The following MX2 variants were observed in gnomAD, a reference collection of about 807,000 sequenced individuals.
MX2 encodes interferon-induced GTP-binding protein Mx2.
A neutral mutation model predicts 74.0 loss-of-function variants in MX2; 51 were observed. The observed-to-expected ratio is 0.69, with a 90% CI of 0.55 to 0.87. The LOEUF is 0.87. Ranked by LOEUF, MX2 falls within the 40% of genes least tolerant of loss-of-function variation. MX2 has a pLI of 0.00. For missense variants in MX2, 832 were observed against 908.7 expected (o/e 0.92, Z 1.09); for synonymous variants, 369 against 339.3 (o/e 1.09, Z -0.96).
At chr21:41,394,333 C>A (rs562858209) in intron 6 of MX2, among the ~76,000 whole-genome samples, 1 of 152,152 alleles carries the variant, frequency 6.6e-6, no homozygotes, top group African/African-American at 2.4e-5. Flanking sequence ...CATCCCTGCT[C>A]CCTCTCAACC....
Position 41,390,629 on chromosome 21 carries a change from G to A in MX2, c.797G>A (p.Cys266Tyr), listed in dbSNP as rs774532161. Residue 266 changes from cysteine to tyrosine, a missense_variant, in exon 6 of 14, where the codon TGT (cysteine) becomes TAT (tyrosine). Physicochemically the swap from Cys to Tyr is radical, Grantham distance 194 (BLOSUM62 -2). Transcript: ENST00000330714. ...QQTINLVVVP[C>Y]NVDIATTEAL... Reference sequence around the variant, plus strand: ...ACGATCAACTTGGTGGTGGTTCCCTGTAACGTGGACATTGCCACCACGGAG... The same window carrying A: ...ACGATCAACTTGGTGGTGGTTCCCTATAACGTGGACATTGCCACCACGGAG... 1.9e-6 allele frequency: 3 copies of A among 1,614,220 alleles called. No individual in the cohort carries two copies. The highest frequency in any genetic ancestry group is 1.1e-5 in the South Asian group (1 of 91,082).
rs2145893875 is a variant in MX2, at chr21:41,380,639, C to A, written c.577+488C>A. Among the ~76,000 whole-genome samples the A allele has an allele frequency of 6.6e-6, 1 of 152,320 alleles. No individual in the cohort carries two copies. Among genetic ancestry groups the A allele is most frequent in the South Asian group, 2.1e-4 (1 of 4,818 alleles). ...AAGTTCAGCTCTAACCCTGGCCAGCCACCTTGTGGCCACCTTTCCTCCCAG... is the reference window on the plus strand; with the variant it reads ...AAGTTCAGCTCTAACCCTGGCCAGCAACCTTGTGGCCACCTTTCCTCCCAG... On this transcript the variant is annotated intron_variant, in intron 4 of 13. Transcript: ENST00000330714. The surrounding 1 kb of genome is among the most constrained non-coding windows in gnomAD (Gnocchi z 4.3).
At chr21:41,377,238 T>C in intron 2 of MX2, 83 bp downstream of exon 2, 1 of 1,557,062 alleles carries the variant, frequency 6.4e-7, no homozygotes, top group Non-Finnish European at 8.7e-7. Flanking sequence ...ACCACAATAA[T>C]AGAACCAGCC....
chr21:41,365,867 G>C (rs1304625133), intron 1 of MX2: 1 of 152,312 alleles, frequency 6.6e-6, no homozygotes, highest in Non-Finnish European at 1.5e-5. Context: ...TTCCCCAAAA[G>C]GGGACATTTG....
chr21:41,391,425 C>A (rs111638147), intron 6 of MX2, among the ~76,000 whole-genome samples: 6,666 of 148,608 alleles, frequency 0.045, 458 homozygotes, highest in African/African-American at 0.15. Context: ...TTCACTCTAT[C>A]CCCCAGACTG....
intron 1 of MX2, among the ~76,000 whole-genome samples, chr21:41,370,822 C>T (rs1445622323): frequency 6.6e-6 from 1 of 152,126 alleles, no homozygotes. Context: ...CATAAGAATA[C>T]TTATTCTATG....
intron 1 of MX2, chr21:41,364,252 G>T (rs1008720984): frequency 6.6e-6 from 1 of 152,266 alleles, no homozygotes; most frequent in African/African-American, 2.4e-5. Flanking sequence ...TGGAAAGAGG[G>T]ATTTCTCTTT....
intron 3 of MX2, among the ~76,000 whole-genome samples, chr21:41,379,484 T>G (rs2089459266): frequency 6.6e-6 from 1 of 152,168 alleles, no homozygotes; most frequent in East Asian, 1.9e-4. Context: ...CGGCTTCTCC[T>G]CCAGGCTTTC....
At chr21:41,393,145 GA>G (rs71878374) in intron 6 of MX2, among the ~76,000 whole-genome samples, 34,389 of 120,080 alleles carry the variant, frequency 0.29, 7,489 homozygotes, top group African/African-American at 0.62. Context: ...AGAAAGAAAA[GA>G]AAAAAAAAAG....
chr21:41,406,762 A>T lies in MX2; in HGVS notation c.1669A>T (p.Lys557Ter). 1.9e-6 allele frequency: 3 copies of T among 1,614,178 alleles called. No individual in the cohort carries two copies. Among genetic ancestry groups the T allele is most frequent in the Non-Finnish European group, 2.5e-6 (3 of 1,180,018 alleles). ...QTVQSTIEDI[K>*]VKHTAKAENM... ...TAACCAGAGCACGATTGAAGACATA[A>T]AAGTGAAACACACAGCAAAGGCAGA... Residue 557 changes from lysine (K) to a stop codon, truncating the protein, a stop_gained, in exon 13 of 14, where the codon AAA becomes TAA. Coordinates refer to ENST00000330714, the MANE Select transcript of MX2 (RefSeq NM_002463.2). LOFTEE classifies it high-confidence loss of function.
intron 5 of MX2, among the ~76,000 whole-genome samples, chr21:41,383,672 C>A (rs1301433184): frequency 6.6e-6 from 1 of 152,200 alleles, no homozygotes; most frequent in African/African-American, 2.4e-5. Flanking sequence ...TAAGGGGTGG[C>A]AGCCCTAAGA....
In MX2 at chr21:41,402,350, A is replaced by T; in HGVS notation, c.1573+222A>T. 1 of 521,872 alleles carries T rather than the reference A, an allele frequency of 1.9e-6. No individual in the cohort carries two copies. The highest frequency in any genetic ancestry group is 3.3e-6 in the Non-Finnish European group (1 of 305,316). 32.3% of individuals were successfully genotyped at this position (521,872 alleles called of 1,614,324 possible). A position where few individuals can be genotyped will look rare whatever the true frequency, so the allele number is the denominator to read the frequency against. On this transcript the variant is annotated intron_variant, in intron 11 of 13. Coordinates refer to ENST00000330714, the MANE Select transcript of MX2 (RefSeq NM_002463.2). The surrounding 1 kb of genome is among the most constrained non-coding windows in gnomAD (Gnocchi z 4.5). Reference sequence around the variant, plus strand: ...TCTGCCCTTCTGCCTGAGAACTCGTACTGAGGTTTCCAGGAGATGGGGAAG... The same window carrying T: ...TCTGCCCTTCTGCCTGAGAACTCGTTCTGAGGTTTCCAGGAGATGGGGAAG...
chr21:41,370,306 G>A (rs2089307068), intron 1 of MX2: 1 of 152,310 alleles, frequency 6.6e-6, no homozygotes, highest in South Asian at 2.1e-4. Flanking sequence ...AATGGGACAG[G>A]AGAGGAGCTG....
chr21:41,403,747 G>C (rs1191430354), intron 12 of MX2: 2 of 445,016 alleles, frequency 4.5e-6, no homozygotes, highest in Non-Finnish European at 9.4e-6. Flanking sequence ...TTTCTACTTA[G>C]CAACTCTTCC....
chr21:41,398,778 G>A lies in MX2; in HGVS notation c.1150-119G>A, dbSNP rs147985642. The A allele has an allele frequency of 4.2e-4, 596 of 1,427,158 alleles. 3 individuals are homozygous for A. In the African/African-American group the frequency reaches 6.3e-3, roughly 15 times the overall value. 88.4% of individuals were successfully genotyped at this position (1,427,158 alleles called of 1,614,324 possible). Reference sequence around the variant, plus strand: ...CCAGCACTTTGGGAGGCTGGGGCAGGTGGGTCAAAAATTCCAGATCTTCCT... The same window carrying A: ...CCAGCACTTTGGGAGGCTGGGGCAGATGGGTCAAAAATTCCAGATCTTCCT... On this transcript the variant is annotated intron_variant, in intron 8 of 13. Coordinates refer to ENST00000330714, the MANE Select transcript of MX2 (RefSeq NM_002463.2).
intron 5 of MX2, among the ~76,000 whole-genome samples, chr21:41,384,620 G>C (rs1181340380): frequency 6.6e-6 from 1 of 152,148 alleles, no homozygotes; most frequent in African/African-American, 2.4e-5. Flanking sequence ...GTTGTACAGT[G>C]TGCTCAGTTA....
Position 41,380,278 on chromosome 21 carries a change from G to A in MX2, c.577+127G>A. ...CTCCTAGCCCCATGTGCTCCCACAT[G>A]GGGCTGAACCCATTGCTGTCACCTC... On this transcript the variant is annotated intron_variant, in intron 4 of 13. Transcript: ENST00000330714. The surrounding 1 kb of genome is among the most constrained non-coding windows in gnomAD (Gnocchi z 4.3). 1 of 1,304,694 alleles carries A rather than the reference G, an allele frequency of 7.7e-7. No individual in the cohort carries two copies. Among genetic ancestry groups the A allele is most frequent in the Non-Finnish European group, 1.1e-6 (1 of 950,124 alleles). 80.8% of individuals were successfully genotyped at this position (1,304,694 alleles called of 1,614,324 possible).
At chr21:41,406,680 AT>A in intron 12 of MX2, 63 bp from the exon 13 acceptor site, 1 of 1,531,740 alleles carries the variant, frequency 6.5e-7, no homozygotes, top group Non-Finnish European at 8.8e-7. Context: ...GTACTTCCAA[AT>A]TTGTTTAAGC....
In MX2 at chr21:41,408,093, C is replaced by G; in HGVS notation, c.2008C>G (p.Gln670Glu). Reference sequence around the variant, plus strand: ...GCAGAAAGCCATGATGCAGATACTACAGGAAAAAAATCGCTATTCCTGGCT... The same window carrying G: ...GCAGAAAGCCATGATGCAGATACTAGAGGAAAAAAATCGCTATTCCTGGCT... ...SLQKAMMQIL[Q>E]EKNRYSWLLQ... The change falls in exon 14 of 14, where the codon CAG becomes GAG. Residue 670 changes from glutamine (Q) to glutamate (E), a missense_variant. Coordinates refer to ENST00000330714, the MANE Select transcript of MX2 (RefSeq NM_002463.2). 6.2e-7 allele frequency: 1 copy of G among 1,614,168 alleles called. No homozygotes were observed. Among genetic ancestry groups the G allele is most frequent in the African/African-American group, 1.3e-5 (1 of 75,034 alleles).
Sources: gnomAD v4.1 joint callset for allele counts (sites outside exome capture counted in the v4.1 genomes callset) on GRCh38, gnomAD v4.1.1 for gene constraint, Gnocchi (gnomAD v3.1) non-coding constraint, MANE v1.5 for transcripts, NCBI Gene and HGNC (gene_info 2026-07-23, HGNC 2026-07-21) for gene names.